The following MN1 variants were observed in gnomAD, a reference collection of about 807,000 sequenced individuals.
MN1 encodes the protein MN1 proto-oncogene, transcriptional regulator.
MN1 carries 19 observed loss-of-function variants against 86.9 expected under a neutral mutation model. That is an observed-to-expected ratio of 0.22 (90% CI 0.15 to 0.32). The LOEUF is 0.32. Among genes scored for constraint, MN1 ranks in the 10% least tolerant of loss-of-function variants. The pLI is 1.00. For synonymous variants in MN1, 928 were observed against 849.6 expected, an observed-to-expected ratio of 1.09 and a Z score of -1.60; for missense variants, 1,841 against 1,862.0, an observed-to-expected ratio of 0.99 and a Z score of 0.21.
chr22:27,788,839 G>A (rs1316201666), intron 1 of MN1, among the ~76,000 whole-genome samples: 1 of 152,114 alleles, frequency 6.6e-6, no homozygotes, highest in East Asian at 1.9e-4. Context: ...CTTTGACGCA[G>A]AGAGATTTCT....
chr22:27,757,744 T>G (rs1054011498), intron 1 of MN1, among the ~76,000 whole-genome samples: 3 of 152,090 alleles, frequency 2.0e-5, no homozygotes, highest in Non-Finnish European at 2.9e-5. Flanking sequence ...CACCACTTCT[T>G]GGAGCCTTCG....
rs1933316018 is a variant in MN1, at chr22:27,797,296, T to C, written c.3248A>G (p.Lys1083Arg). 1 of 1,598,282 alleles carries C rather than the reference T, an allele frequency of 6.3e-7. No individual in the cohort carries two copies. The highest frequency in any genetic ancestry group is 8.5e-7 in the Non-Finnish European group (1 of 1,178,832). ...GGCGCCTACCCCACGGGGAGGGAGT[T>C]TGGGCGAGCCGGTCACCAGGGGACT... The part of the protein sequence containing the change: ...SRSPLVTGSP[K>R]LPPRGVGAGE... Residue 1083 changes from lysine (K) to arginine (R), a missense_variant, in exon 1 of 2, where the codon AAA becomes AGA. By Grantham distance (26) the Lys-to-Arg change is conservative. Coordinates refer to ENST00000302326, the MANE Select transcript of MN1 (RefSeq NM_002430.3).
chr22:27,749,572 G>A lies in MN1; in HGVS notation c.*1343C>T, dbSNP rs1932741554. 4.3e-6 allele frequency: 1 copy of A among 232,340 alleles called. No homozygotes were observed. Among genetic ancestry groups the A allele is most frequent in the African/African-American group, 2.2e-5 (1 of 45,292 alleles). 14.4% of individuals were successfully genotyped at this position (232,340 alleles called of 1,614,324 possible). ...CCACCACTCATCTCTGCTCAGAGCAGTTATTCCTTTGTGAGATGCTTGGGA... is the reference window on the plus strand; with the variant it reads ...CCACCACTCATCTCTGCTCAGAGCAATTATTCCTTTGTGAGATGCTTGGGA... On this transcript the variant is annotated 3_prime_UTR_variant, in exon 2 of 2. Transcript: ENST00000302326.
chr22:27,760,339 C>T (rs1449762191), intron 1 of MN1, among the ~76,000 whole-genome samples: 2 of 151,442 alleles, frequency 1.3e-5, no homozygotes, highest in East Asian at 1.9e-4. Context: ...AGCAAGACTC[C>T]GTCTCAAAGA....
chr22:27,769,552 ATT>A lies in MN1; in HGVS notation c.3782-18458_3782-18457del, dbSNP rs58248602. 7.2e-5 allele frequency among the ~76,000 whole-genome samples: 6 copies of A among 83,278 alleles called. No individual in the cohort carries two copies. The South Asian group carries it at 1.6e-3, about 22-fold the overall frequency. 54.6% of individuals were successfully genotyped at this position (83,278 alleles called of 152,430 possible). A position where few individuals can be genotyped will look rare whatever the true frequency, so the allele number is the denominator to read the frequency against. On this transcript the variant is annotated intron_variant, in intron 1 of 1. Transcript: ENST00000302326. ...CGAAGCAATAATATCAAGGATGCCAATTTTTTTTTTTTTTTTTTGAGACAGAG... is the reference window on the plus strand; with the variant it reads ...CGAAGCAATAATATCAAGGATGCCAATTTTTTTTTTTTTTTTGAGACAGAG...
chr22:27,782,784 G>A (rs1433220926), intron 1 of MN1, among the ~76,000 whole-genome samples: 1 of 152,218 alleles, frequency 6.6e-6, no homozygotes, highest in East Asian at 1.9e-4. Context: ...AACCCAGGTA[G>A]TCTGGCTTCA....
intron 1 of MN1, among the ~76,000 whole-genome samples, chr22:27,773,478 T>C (rs1932938128): frequency 1.3e-5 from 2 of 152,136 alleles, no homozygotes; most frequent in African/African-American, 4.8e-5. Context: ...GAGTGCACCG[T>C]GCAGAGCCCA....
intron 1 of MN1, among the ~76,000 whole-genome samples, chr22:27,788,122 T>C (rs1456308954): frequency 2.6e-5 from 4 of 152,146 alleles, no homozygotes; most frequent in African/African-American, 9.7e-5. Flanking sequence ...TATTTTCCAC[T>C]CGCGAACCCC....
rs377590257 is a variant in MN1, at chr22:27,799,992, G to A, written c.552C>T (p.His184=). The A allele has an allele frequency of 1.1e-4, 180 of 1,603,824 alleles. No homozygotes were observed. Among genetic ancestry groups the A allele is most frequent in the Non-Finnish European group, 1.5e-4 (172 of 1,177,860 alleles). Residue 184 remains histidine (H), a synonymous_variant, in exon 1 of 2, where the codon CAC becomes CAT. Transcript: ENST00000302326. ...GCGGCAGGCATGGGGCCGGCACGGC[G>A]TGGCTGGAGGCACCTGAACTGTGGA... ...PDFHSSGASS[H]AVPAPCLPLD...
intron 1 of MN1, among the ~76,000 whole-genome samples, chr22:27,776,466 A>C (rs1469445852): frequency 1.3e-5 from 2 of 152,156 alleles, no homozygotes; most frequent in Non-Finnish European, 2.9e-5. Context: ...ATAATAATCA[A>C]ATAGAATACA....
chr22:27,799,960 T>C lies in MN1; in HGVS notation c.584A>G (p.Gln195Arg). Residue 195 changes from glutamine to arginine, a missense_variant, in exon 1 of 2, where the codon CAG becomes CGG. By Grantham distance (43) the Gln-to-Arg change is conservative. Transcript: ENST00000302326. ...AVPAPCLPLD[Q>R]SPNRAASFHG... ...GAAGGAGGCGGCTCGGTTAGGGCTC[T>C]GGTCCAGCGGCAGGCATGGGGCCGG... 6.2e-7 allele frequency: 1 copy of C among 1,603,342 alleles called. No individual in the cohort carries two copies.
At chr22:27,778,855 G>A (rs1323491029) in intron 1 of MN1, among the ~76,000 whole-genome samples, 1 of 152,228 alleles carries the variant, frequency 6.6e-6, no homozygotes, top group Admixed American at 6.5e-5. Flanking sequence ...AGTGGCTGAA[G>A]CCCAGACCAC....
rs781575749 is a variant in MN1, at chr22:27,800,366, T to C, written c.178A>G (p.Ile60Val). 6.2e-7 allele frequency: 1 copy of C among 1,609,676 alleles called. No individual in the cohort carries two copies. The highest frequency in any genetic ancestry group is 1.1e-5 in the South Asian group (1 of 90,592). Reference protein sequence around the residue: ...PAMSALGEPPILGMNMEPYGF... With the variant: ...PAMSALGEPPVLGMNMEPYGF... ...TAGGGCTCCATGTTCATGCCCAAGA[T>C]CGGGGGTTCGCCCAGCGCGCTCATA... The change falls in exon 1 of 2, where the codon ATC becomes GTC. Residue 60 changes from isoleucine to valine, a missense_variant. Coordinates refer to ENST00000302326, the MANE Select transcript of MN1 (RefSeq NM_002430.3).
At chr22:27,773,117 GC>G (rs2146302655) in intron 1 of MN1, among the ~76,000 whole-genome samples, 1 of 150,970 alleles carries the variant, frequency 6.6e-6, no homozygotes, top group African/African-American at 2.4e-5. Context: ...CCCCTACCCA[GC>G]CCCCGAGGAG....
Position 27,749,957 on chromosome 22 carries a change from A to G in MN1, c.*958T>C, listed in dbSNP as rs1057153142. 3 of 231,970 alleles carry G rather than the reference A, an allele frequency of 1.3e-5. No homozygotes were observed. Among genetic ancestry groups the G allele is most frequent in the Middle Eastern group, 2.5e-3 (2 of 798 alleles). 14.4% of individuals were successfully genotyped at this position (231,970 alleles called of 1,614,324 possible). Reference sequence around the variant, plus strand: ...GAGAACAGCCTCCTCCAACTCCAGCACCCAAGGCACGGGCAGCAGCCTTGC... The same window carrying G: ...GAGAACAGCCTCCTCCAACTCCAGCGCCCAAGGCACGGGCAGCAGCCTTGC... On this transcript the variant is annotated 3_prime_UTR_variant, in exon 2 of 2. Transcript: ENST00000302326.
intron 1 of MN1, among the ~76,000 whole-genome samples, chr22:27,790,689 G>T (rs755774621): frequency 6.6e-6 from 1 of 151,780 alleles, no homozygotes; most frequent in African/African-American, 2.4e-5. Context: ...GGGGTAGGTG[G>T]GGGGGGAGTA....
chr22:27,772,598 G>A (rs1400421783), intron 1 of MN1, among the ~76,000 whole-genome samples: 1 of 152,144 alleles, frequency 6.6e-6, no homozygotes, highest in Non-Finnish European at 1.5e-5. Flanking sequence ...AGGTGCAGAC[G>A]TCTGTGGGGC....
At chr22:27,769,089 T>G (rs1404631928) in intron 1 of MN1, among the ~76,000 whole-genome samples, 1 of 152,164 alleles carries the variant, frequency 6.6e-6, no homozygotes, top group Non-Finnish European at 1.5e-5. Flanking sequence ...GATGTAAATT[T>G]GGGGCTGAAA....
rs554051971 is a variant in MN1 at position 27,754,599 on chromosome 22, C to T, written c.3782-3503G>A. ...CCAAGCATGACCAAACTCATCCTCC[C>T]GCTGGATTCATTCCAGCTAGGGGGA... On this transcript the variant is annotated intron_variant, in intron 1 of 1. Coordinates refer to ENST00000302326, the MANE Select transcript of MN1 (RefSeq NM_002430.3). 2.0e-3 allele frequency among the ~76,000 whole-genome samples: 306 copies of T among 152,352 alleles called. 1 individual carries two copies. The highest frequency in any genetic ancestry group is 0.01 in the Middle Eastern group (3 of 294).
Sources: allele counts gnomAD v4.1 joint callset (sites outside exome capture counted in the v4.1 genomes callset), GRCh38; gene constraint gnomAD v4.1.1; transcripts MANE v1.5; gene names NCBI Gene and HGNC (gene_info 2026-07-23, HGNC 2026-07-21).